Variants in CHD8 observed in about 807,000 individuals in gnomAD.
The protein encoded by CHD8 is ATP-dependent chromatin remodeler CHD8.
Under a neutral mutation model 279.2 loss-of-function variants are expected in CHD8, and 31 were observed. The ratio of observed to expected loss-of-function variants is 0.11; its 90% CI spans 0.08 to 0.15. The LOEUF is 0.15. Among genes scored for constraint, CHD8 ranks in the 10% least tolerant of loss-of-function variants. CHD8 has a pLI of 1.00. For synonymous variants in CHD8, 1,081 were observed against 1,139.6 expected (o/e 0.95, Z 1.04); for missense variants, 2,146 against 3,230.5 (o/e 0.66, Z 8.14).
rs764912219 is a variant in CHD8, at chr14:21,428,261, A to C, written c.1216-7T>G. 2 of 1,610,290 alleles carry C rather than the reference A, an allele frequency of 1.2e-6. No individual in the cohort carries two copies. Among genetic ancestry groups the C allele is most frequent in the South Asian group, 2.2e-5 (2 of 90,822 alleles). On this transcript the variant is annotated splice_polypyrimidine_tract_variant and splice_region_variant and intron_variant, in intron 3 of 37. Coordinates refer to ENST00000646647, the MANE Select transcript of CHD8 (RefSeq NM_001170629.2). ...CCCCTTGGGAAGAGCCAGCCTATAG[A>C]AACAAAGATACTACAATTTCAACTT...
At chr14:21,415,290 A>C (rs1206883195) in intron 7 of CHD8, 9 of 377,784 alleles carry the variant, frequency 2.4e-5, no homozygotes. Flanking sequence ...TCTGACATCC[A>C]AAGGTGCTCA....
At chr14:21,426,514 A>C (rs570006357) in intron 4 of CHD8, 1 of 339,518 alleles carries the variant, frequency 2.9e-6, no homozygotes, top group South Asian at 5.8e-5. Flanking sequence ...AAGATAGGAG[A>C]ATAAATACCA....
At position 21,402,451 on chromosome 14, in the gene CHD8, C is replaced by T. The variant is rs1888077244; in HGVS notation, c.3767G>A (p.Arg1256His). ...CTCGTAGGAATTACGAGTGATGAGGCGGTACACCTTCACAGCTTTGCTCTG... is the reference window on the plus strand; with the variant it reads ...CTCGTAGGAATTACGAGTGATGAGGTGGTACACCTTCACAGCTTTGCTCTG... ...IGQSKAVKVY[R>H]LITRNSYERE... Residue 1256 changes from arginine (R) to histidine (H), a missense_variant, in exon 19 of 38, where the codon CGC (arginine) becomes CAC (histidine). Physicochemically the swap from Arg to His is conservative, Grantham distance 29 (BLOSUM62 0). This residue lies in a region of CHD8 where 35 missense variants were observed against 82.4 expected (regional missense o/e 0.42). Coordinates refer to ENST00000646647, the MANE Select transcript of CHD8 (RefSeq NM_001170629.2). This position sits in a 1 kb window ranked among gnomAD's most constrained non-coding sequence, Gnocchi z 4.5. 6.2e-7 allele frequency: 1 copy of T among 1,613,940 alleles called. No homozygotes were observed. The highest frequency in any genetic ancestry group is 1.7e-5 in the Admixed American group (1 of 59,990).
chr14:21,424,862 T>A (rs1216772773), intron 5 of CHD8, among the ~76,000 whole-genome samples: 1 of 152,212 alleles, frequency 6.6e-6, no homozygotes, highest in Non-Finnish European at 1.5e-5. Flanking sequence ...GGGAGGCACT[T>A]ATAAATATTA....
intron 1 of CHD8, among the ~76,000 whole-genome samples, chr14:21,443,742 G>A (rs1384211598): frequency 1.3e-5 from 2 of 150,916 alleles, no homozygotes; most frequent in Non-Finnish European, 2.9e-5. Flanking sequence ...TGTATTCCCA[G>A]CTACTGGGGA....
intron 1 of CHD8, chr14:21,437,255 T>A: frequency 8.6e-7 from 1 of 1,163,858 alleles, no homozygotes; most frequent in Non-Finnish European, 1.1e-6. Flanking sequence ...CAGTTCCCCC[T>A]CCTCCTGCGC....
intron 1 of CHD8, chr14:21,437,301 C>T: frequency 8.8e-7 from 1 of 1,133,114 alleles, no homozygotes; most frequent in Non-Finnish European, 1.1e-6. Flanking sequence ...CCCGCGCCAT[C>T]ATTGGCTGAA....
rs72684752 is a variant in CHD8, at chr14:21,392,993, G to A, written c.6468+113C>T. On this transcript the variant is annotated intron_variant, in intron 33 of 37. Coordinates refer to ENST00000646647, the MANE Select transcript of CHD8 (RefSeq NM_001170629.2). The stretch of plus-strand genomic sequence containing the variant: ...TTCCTGGAAAAAAAAAAAAAAACTT[G>A]CAGCAATAAACACAATTTTAAAAAT... 5,247 of 1,268,836 alleles carry A rather than the reference G, an allele frequency of 4.1e-3. 13 individuals carry two copies. The highest frequency in any genetic ancestry group is 6.9e-3 in the Admixed American group (243 of 35,300). The allele number at this position is 1,268,836 out of a possible 1,614,324, so 78.6% of individuals were successfully genotyped here. A position where few individuals can be genotyped will look rare whatever the true frequency, so the allele number is the denominator to read the frequency against.
At position 21,431,735 on chromosome 14, in the gene CHD8, A is replaced by C. The variant is rs903460293; in HGVS notation, c.-92T>G. 35 of 1,612,502 alleles carry C rather than the reference A, an allele frequency of 2.2e-5. No individual in the cohort carries two copies. Among genetic ancestry groups the C allele is most frequent in the Non-Finnish European group, 2.9e-5 (34 of 1,178,978 alleles). Reference sequence around the variant, plus strand: ...CTCCCCTCCCCTCCCCTATTAAGAAAAAAATGTACACAATGTAAGAGGACT... The same window carrying C: ...CTCCCCTCCCCTCCCCTATTAAGAACAAAATGTACACAATGTAAGAGGACT... On this transcript the variant is annotated 5_prime_UTR_variant, in exon 2 of 38. Transcript: ENST00000646647.
chr14:21,425,471 CCTG>C (rs1889272230), intron 5 of CHD8: 1 of 151,700 alleles, frequency 6.6e-6, no homozygotes. Flanking sequence ...ATTACGGGTG[CCTG>C]CTACCACACC....
At chr14:21,428,932 T>A in intron 3 of CHD8, 32 bp downstream of exon 3, 1 of 1,609,978 alleles carries the variant, frequency 6.2e-7, no homozygotes, top group Non-Finnish European at 8.5e-7. Context: ...ATTTTTGTTT[T>A]CTTTCTTTTC....
At chr14:21,390,768 C>CAAAA (rs34364818) in intron 37 of CHD8, among the ~76,000 whole-genome samples, 179 bp downstream of exon 37, 28 of 136,466 alleles carry the variant, frequency 2.1e-4, no homozygotes, top group South Asian at 4.6e-4. Context: ...GACTCCGTCT[C>CAAAA]AAAAAAAAAA....
At position 21,402,030 on chromosome 14, in the gene CHD8, A is replaced by G; in HGVS notation, c.3989T>C (p.Ile1330Thr). ...AGTTCGTCTTAACAAGATCTGGTCA[A>G]TGTCCTCTTCACAAAACTTGGAGCC... Reference protein sequence around the residue: ...DEGSKFCEEDIDQILLRRTTT... With the variant: ...DEGSKFCEEDTDQILLRRTTT... The change falls in exon 20 of 38, where the codon ATT becomes ACT. Residue 1330 changes from isoleucine (I) to threonine (T), a missense_variant. This residue lies in a region of CHD8 where 2 missense variants were observed against 37.3 expected (regional missense o/e 0.05). Transcript: ENST00000646647. The surrounding 1 kb of genome is among the most constrained non-coding windows in gnomAD (Gnocchi z 4.5). 6.2e-7 allele frequency: 1 copy of G among 1,613,764 alleles called. No individual in the cohort carries two copies. The highest frequency in any genetic ancestry group is 2.2e-5 in the East Asian group (1 of 44,878).
chr14:21,436,919 T>C (rs564210962), intron 1 of CHD8: 101 of 1,282,396 alleles, frequency 7.9e-5, no homozygotes, highest in Non-Finnish European at 9.7e-5. Flanking sequence ...ACTGCCGGGG[T>C]TGGTGCCAGT....
intron 1 of CHD8, among the ~76,000 whole-genome samples, chr14:21,447,111 G>T (rs1186863339): frequency 6.6e-6 from 1 of 152,204 alleles, no homozygotes; most frequent in African/African-American, 2.4e-5. Flanking sequence ...CAAAAGGACA[G>T]TAGCACAGTT....
At chr14:21,391,121 T>C (rs1174522196) in intron 36 of CHD8, 58 bp from the exon 37 acceptor site, 3 of 1,075,340 alleles carry the variant, frequency 2.8e-6, no homozygotes, top group East Asian at 2.6e-5. Context: ...GGAGTAATTA[T>C]TAAAGTACTA....
In CHD8 at chr14:21,403,366, G is replaced by A; in HGVS notation, c.3518+87C>T. On this transcript the variant is annotated intron_variant, in intron 17 of 37. Coordinates refer to ENST00000646647, the MANE Select transcript of CHD8 (RefSeq NM_001170629.2). The surrounding 1 kb of genome is among the most constrained non-coding windows in gnomAD (Gnocchi z 4.3). Reference sequence around the variant, plus strand: ...TTAAAAACTTCTCTTATTGCAATTGGTGAACTCTAATTAAATCCAGGCCCT... The same window carrying A: ...TTAAAAACTTCTCTTATTGCAATTGATGAACTCTAATTAAATCCAGGCCCT... The A allele has an allele frequency of 7.7e-7, 1 of 1,294,624 alleles. No individual in the cohort carries two copies. Among genetic ancestry groups the A allele is most frequent in the Non-Finnish European group, 1.1e-6 (1 of 926,504 alleles). The allele number at this position is 1,294,624 out of a possible 1,614,324, so 80.2% of individuals were successfully genotyped here.
chr14:21,408,880 C>T lies in CHD8; in HGVS notation c.2365-55G>A. 1 of 1,551,424 alleles carries T rather than the reference C, an allele frequency of 6.4e-7. No homozygotes were observed. Among genetic ancestry groups the T allele is most frequent in the South Asian group, 1.2e-5 (1 of 83,842 alleles). ...GTGGAGACATTATCAAAAGGTAAGA[C>T]TTACTAGGTAAGTTCTAATAGTTAA... is the stretch of plus-strand genomic sequence containing the variant. On this transcript the variant is annotated intron_variant, in intron 11 of 37. Coordinates refer to ENST00000646647, the MANE Select transcript of CHD8 (RefSeq NM_001170629.2). This position sits in a 1 kb window ranked among gnomAD's most constrained non-coding sequence, Gnocchi z 4.3.
chr14:21,449,384 A>C (rs539446832), intron 1 of CHD8, among the ~76,000 whole-genome samples: 1 of 152,330 alleles, frequency 6.6e-6, no homozygotes, highest in South Asian at 2.1e-4. Flanking sequence ...TAGTAGGCAA[A>C]TAAAAAGGAA....
Sources: gnomAD v4.1 joint callset for allele counts (sites outside exome capture counted in the v4.1 genomes callset) on GRCh38, gnomAD v4.1.1 for gene constraint, gnomAD v4.1.1 regional missense constraint, Gnocchi (gnomAD v3.1) non-coding constraint, MANE v1.5 for transcripts, NCBI Gene and HGNC (gene_info 2026-07-23, HGNC 2026-07-21) for gene names.